Variants in ADRA1B observed in about 807,000 individuals in gnomAD.
ADRA1B encodes alpha-1B adrenergic receptor.
In ADRA1B, 17 loss-of-function variants were observed where a neutral mutation model predicts 17.9. That is an observed-to-expected ratio of 0.95 (90% CI 0.65 to 1.42). The LOEUF (loss-of-function observed/expected upper bound fraction) is 1.42. ADRA1B is among the 40% of genes most tolerant of loss of function. The pLI is 0.00. For synonymous variants in ADRA1B, 366 were observed against 327.6 expected (o/e 1.12, Z -1.27); for missense variants, 681 against 722.1 (o/e 0.94, Z 0.65).
chr5:159,971,756 G>A, intron 1 of ADRA1B, 123 bp from the exon 2 acceptor site: 1 of 1,073,834 alleles, frequency 9.3e-7, no homozygotes, highest in Non-Finnish European at 1.2e-6. Context: ...CCGGCTCGGG[G>A]AAAGGCCTGG....
At chr5:159,984,081 T>G in the ADRA1B span, among the ~76,000 whole-genome samples, 5 of 152,088 alleles carry the variant, frequency 3.3e-5, no homozygotes, top group African/African-American at 1.2e-4. Flanking sequence ...TCTTTCATAC[T>G]GCTTCCAACC....
intron 1 of ADRA1B, among the ~76,000 whole-genome samples, chr5:159,880,242 A>G (rs191012844): frequency 3.6e-4 from 55 of 152,348 alleles, no homozygotes; most frequent in Admixed American, 7.8e-4. Context: ...CGGTGGCAGC[A>G]GTTGAGAGCA....
downstream of ADRA1B, among the ~76,000 whole-genome samples, chr5:159,977,588 C>A (rs931983757): frequency 1.3e-5 from 2 of 152,208 alleles, no homozygotes; most frequent in African/African-American, 4.8e-5. Context: ...CCTGGACCTG[C>A]CTTTTGAAAG....
At chr5:159,934,853 A>G (rs1292157042) in intron 1 of ADRA1B, among the ~76,000 whole-genome samples, 1 of 151,872 alleles carries the variant, frequency 6.6e-6, no homozygotes, top group Non-Finnish European at 1.5e-5. Flanking sequence ...GAAATCTGAC[A>G]TATCTGTCTG....
the ADRA1B span, among the ~76,000 whole-genome samples, chr5:159,989,109 G>T: frequency 7.9e-5 from 12 of 152,314 alleles, no homozygotes; most frequent in African/African-American, 2.9e-4. Flanking sequence ...GTGCACAGGG[G>T]TTCCAATTTT....
intron 1 of ADRA1B, chr5:159,868,283 A>T (rs1465174590): frequency 6.6e-6 from 1 of 152,210 alleles, no homozygotes; most frequent in Non-Finnish European, 1.5e-5. Context: ...ATGGGAAAAG[A>T]TGCATAATAT....
intron 1 of ADRA1B, chr5:159,951,471 C>T (rs1217285723): frequency 2.4e-5 from 17 of 718,776 alleles, no homozygotes; most frequent in Middle Eastern, 3.8e-4. Flanking sequence ...CATCCAAATC[C>T]GTTGACTCCA....
At chr5:159,959,076 G>A (rs972046115) in intron 1 of ADRA1B, among the ~76,000 whole-genome samples, 14 of 152,216 alleles carry the variant, frequency 9.2e-5, no homozygotes, top group African/African-American at 3.1e-4. Context: ...TGCTAGAAGG[G>A]CAAGACACAG....
chr5:159,924,291 G>A (rs923419183), intron 1 of ADRA1B, among the ~76,000 whole-genome samples: 5 of 152,142 alleles, frequency 3.3e-5, no homozygotes, highest in African/African-American at 7.2e-5. Context: ...GTCTCTGTGC[G>A]TGTGTATGTG....
At position 159,917,038 on chromosome 5, in the gene ADRA1B, G is replaced by A. The variant is rs774949317; in HGVS notation, c.133G>A (p.Ala45Thr). 4 of 1,614,150 alleles carry A rather than the reference G, an allele frequency of 2.5e-6. No individual in the cohort carries two copies. The highest frequency in any genetic ancestry group is 3.4e-6 in the Non-Finnish European group (4 of 1,180,012). ...ACTGCCCCAGCTGGACATCACCAGG[G>A]CCATCTCTGTGGGCCTGGTGCTGGG... The part of the protein sequence containing the change: ...STLPQLDITR[A>T]ISVGLVLGAF... The change falls in exon 1 of 2, where the codon GCC (alanine) becomes ACC (threonine). Residue 45 changes from alanine to threonine, a missense_variant. By Grantham distance (58) the Ala-to-Thr change is moderately conservative. Around this residue, in one of 3 missense-constraint regions of ADRA1B, gnomAD observed 424 missense variants for 480.2 expected, o/e 0.88. Coordinates refer to ENST00000306675, the MANE Select transcript of ADRA1B (RefSeq NM_000679.4).
intron 1 of ADRA1B, among the ~76,000 whole-genome samples, chr5:159,874,851 T>C (rs1753785284): frequency 6.6e-6 from 1 of 152,232 alleles, no homozygotes; most frequent in Non-Finnish European, 1.5e-5. Flanking sequence ...CGTTTGAATT[T>C]ATTCATGTAC....
intron 1 of ADRA1B, among the ~76,000 whole-genome samples, chr5:159,881,326 TCTC>T (rs1753861259): frequency 2.6e-5 from 4 of 151,790 alleles, no homozygotes; most frequent in Admixed American, 2.6e-4. Context: ...TCTCTCTCTC[TCTC>T]TCTCTCTCTC....
At chr5:159,915,231 G>A (rs1006652374), upstream of ADRA1B, among the ~76,000 whole-genome samples, 1 of 152,202 alleles carries the variant, frequency 6.6e-6, no homozygotes, top group African/African-American at 2.4e-5. Flanking sequence ...CCACAGTTGA[G>A]TTCAGTTCCC....
the ADRA1B span, among the ~76,000 whole-genome samples, chr5:159,980,357 A>G: frequency 1.3e-5 from 2 of 152,196 alleles, no homozygotes; most frequent in Non-Finnish European, 2.9e-5. Flanking sequence ...CTTAGGTCAC[A>G]TAGCTAGTGT....
chr5:159,969,798 G>A (rs902311624), intron 1 of ADRA1B, among the ~76,000 whole-genome samples: 1 of 152,050 alleles, frequency 6.6e-6, no homozygotes, highest in African/African-American at 2.4e-5. Context: ...TATACAAGAG[G>A]AAAAATCTGA....
intron 1 of ADRA1B, among the ~76,000 whole-genome samples, chr5:159,891,683 A>G (rs146541497): frequency 6.6e-6 from 1 of 152,304 alleles, no homozygotes; most frequent in Non-Finnish European, 1.5e-5. Flanking sequence ...GAGAATTTTC[A>G]TAACACCCTC....
chr5:159,927,381 G>A (rs970030241), intron 1 of ADRA1B, among the ~76,000 whole-genome samples: 6 of 140,732 alleles, frequency 4.3e-5, no homozygotes, highest in South Asian at 2.4e-4. Context: ...ATTAAAACAT[G>A]CACACACACA....
At chr5:159,929,776 G>C (rs1474191) in intron 1 of ADRA1B, among the ~76,000 whole-genome samples, 152,185 of 152,258 alleles carry the variant, frequency 1, 76,056 homozygotes, top group Middle Eastern at 1. Context: ...TTATTCTGCT[G>C]TTACCTACCC....
the ADRA1B span, among the ~76,000 whole-genome samples, chr5:159,988,690 A>G: frequency 6.6e-6 from 1 of 152,158 alleles, no homozygotes; most frequent in South Asian, 2.1e-4. Context: ...TTCAAATTAC[A>G]TCTGTGGCCG....
Sources: allele counts gnomAD v4.1 joint callset (sites outside exome capture counted in the v4.1 genomes callset), GRCh38; gene constraint gnomAD v4.1.1; regional missense constraint gnomAD v4.1.1; transcripts MANE v1.5; gene names NCBI Gene and HGNC (gene_info 2026-07-23, HGNC 2026-07-21).